NAPEPLD: variants seen among roughly 807,000 people sequenced by gnomAD.
NAPEPLD encodes the protein N-acyl-phosphatidylethanolamine-hydrolyzing phospholipase D.
Under a neutral mutation model 38.1 loss-of-function variants are expected in NAPEPLD, and 23 were observed. The observed-to-expected ratio is 0.60, with a 90% CI of 0.43 to 0.86. The LOEUF (loss-of-function observed/expected upper bound fraction) is 0.86, where lower values mean the gene tolerates loss of function less well. Ranked by LOEUF, NAPEPLD falls within the 40% of genes least tolerant of loss-of-function variation. NAPEPLD has a pLI of 0.00. For missense variants in NAPEPLD, 411 were observed against 476.8 expected (o/e 0.86, Z 1.28); for synonymous variants, 147 against 162.0 (o/e 0.91, Z 0.71).
At position 103,099,845 on chromosome 7, in the gene NAPEPLD, A is replaced by C. The variant is rs1259267346; in HGVS notation, c.*3584T>G. On this transcript the variant is annotated 3_prime_UTR_variant, in exon 5 of 5. Coordinates refer to ENST00000465647, the MANE Select transcript of NAPEPLD (RefSeq NM_001122838.3). ...TACTTGACTAAAAATACAATGTATG[A>C]AAATTTATCTTTAATAGCATTTTCC... The C allele has an allele frequency of 6.6e-6, 1 of 152,104 alleles. No homozygotes were observed. Among genetic ancestry groups the C allele is most frequent in the Non-Finnish European group, 1.5e-5 (1 of 67,998 alleles). 9.4% of individuals were successfully genotyped at this position (152,104 alleles called of 1,614,324 possible).
rs1218474441 is a variant in NAPEPLD, at chr7:103,115,180, G to C, written c.942-6C>G. 6.3e-7 allele frequency: 1 copy of C among 1,596,786 alleles called. No individual in the cohort carries two copies. The highest frequency in any genetic ancestry group is 8.6e-7 in the Non-Finnish European group (1 of 1,167,976). ...GCTGGTATTTCATAAACCACCTGAAGAAACATGGCAATTTCTTAATTCTGA... is the reference window on the plus strand; with the variant it reads ...GCTGGTATTTCATAAACCACCTGAACAAACATGGCAATTTCTTAATTCTGA... On this transcript the variant is annotated splice_region_variant and splice_polypyrimidine_tract_variant and intron_variant, in intron 3 of 4. Coordinates refer to ENST00000465647, the MANE Select transcript of NAPEPLD (RefSeq NM_001122838.3).
chr7:103,135,952 T>C (rs1378703761), intron 1 of NAPEPLD, among the ~76,000 whole-genome samples: 1 of 152,084 alleles, frequency 6.6e-6, no homozygotes, highest in Admixed American at 6.6e-5. Context: ...TGTTAGTCAT[T>C]TAAGGAGACC....
In NAPEPLD at chr7:103,117,291, G is replaced by C. The variant is rs564990915; in HGVS notation, c.942-2117C>G. Among the ~76,000 whole-genome samples, 11 of 152,328 alleles carry C rather than the reference G, an allele frequency of 7.2e-5. No homozygotes were observed. In the South Asian group the frequency reaches 1.9e-3, roughly 26 times the overall value. On this transcript the variant is annotated intron_variant, in intron 3 of 4. Coordinates refer to ENST00000465647, the MANE Select transcript of NAPEPLD (RefSeq NM_001122838.3). ...CTGTGTTCTCCTCAACAGCAAATGA[G>C]AGCAGCACTGTTCTGCCATATCTCC...
chr7:103,106,720 G>A (rs1339244009), intron 4 of NAPEPLD, among the ~76,000 whole-genome samples: 2 of 47,356 alleles, frequency 4.2e-5, no homozygotes, highest in African/African-American at 7.0e-5. Context: ...CTCTGGGCAG[G>A]GCATCTCTAA....
intron 1 of NAPEPLD, among the ~76,000 whole-genome samples, chr7:103,133,057 A>G (rs1381826058): frequency 6.6e-6 from 1 of 152,176 alleles, no homozygotes; most frequent in Admixed American, 6.5e-5. Context: ...AAACAAAAAA[A>G]TCTGATACAA....
rs1802707100 is a variant in NAPEPLD at position 103,103,542 on chromosome 7, G to T, written c.1069C>A (p.Pro357Thr). 3.8e-6 allele frequency: 6 copies of T among 1,580,490 alleles called. No homozygotes were observed. The highest frequency in any genetic ancestry group is 5.1e-6 in the Non-Finnish European group (6 of 1,171,094). Residue 357 changes from proline (P) to threonine (T), a missense_variant, in exon 5 of 5, where the codon CCT becomes ACT. Transcript: ENST00000465647. Reference protein sequence around the residue: ...FALANEHYLEPPVKLNEALER... With the variant: ...FALANEHYLETPVKLNEALER... ...AGAGCTTCATTCAGCTTCACTGGAG[G>T]CTCTAAGTAATGCTGGCCAAAGAGA...
intron 1 of NAPEPLD, chr7:103,141,581 T>C (rs1811371351): frequency 2.0e-6 from 2 of 1,024,386 alleles, no homozygotes; most frequent in Non-Finnish European, 1.6e-6. Flanking sequence ...CAGGCTGTGA[T>C]ACATGCGGCG....
intron 3 of NAPEPLD, among the ~76,000 whole-genome samples, chr7:103,119,063 T>C (rs569760991): frequency 1.4e-4 from 21 of 152,348 alleles, no homozygotes; most frequent in African/African-American, 4.3e-4. Flanking sequence ...AAGGTGGTTA[T>C]ATAAAGAAAG....
chr7:103,145,074 C>T (rs948660109), intron 1 of NAPEPLD, among the ~76,000 whole-genome samples: 2 of 152,108 alleles, frequency 1.3e-5, no homozygotes, highest in African/African-American at 4.8e-5. Flanking sequence ...GAGGGTTGAT[C>T]ATTCTATGTC....
intron 1 of NAPEPLD, among the ~76,000 whole-genome samples, chr7:103,147,027 C>T (rs1273362250): frequency 1.3e-5 from 2 of 152,202 alleles, no homozygotes; most frequent in African/African-American, 4.8e-5. Flanking sequence ...AGAAGACTAT[C>T]TCTAACATAA....
intron 1 of NAPEPLD, chr7:103,141,237 GTTGTTTTTTTTTTTTTTT>G (rs1453441945): frequency 1.3e-5 from 1 of 76,228 alleles, no homozygotes; most frequent in African/African-American, 4.2e-5. Context: ...TACCTGTGGA[GTTGTTTTTTTTTTTTTTT>G]TTTTTTTTTT....
At position 103,149,030 on chromosome 7, in the gene NAPEPLD, G is replaced by T; in HGVS notation, c.-236C>A. The T allele has an allele frequency of 1.0e-6, 1 of 985,426 alleles. No homozygotes were observed. Among genetic ancestry groups the T allele is most frequent in the African/African-American group, 1.7e-5 (1 of 57,356 alleles). The allele number at this position is 985,426 out of a possible 1,614,324, so 61.0% of individuals were successfully genotyped here. ...TCTCCGAGATGAGGGAGGGCTCGGG[G>T]ACGGGAAACCCACTCTCAGCCCGCT... On this transcript the variant is annotated 5_prime_UTR_variant, in exon 1 of 5. Transcript: ENST00000465647.
chr7:103,107,020 G>A (rs1208698514), intron 4 of NAPEPLD, among the ~76,000 whole-genome samples: 1 of 152,094 alleles, frequency 6.6e-6, no homozygotes, highest in Non-Finnish European at 1.5e-5. Context: ...GGCATCTGAC[G>A]GGTGCCCTTC....
At chr7:103,103,917 A>G (rs956548214) in intron 4 of NAPEPLD, among the ~76,000 whole-genome samples, 4 of 152,206 alleles carry the variant, frequency 2.6e-5, no homozygotes, top group African/African-American at 9.6e-5. Flanking sequence ...TGTTACTAAC[A>G]TTTTTGAAAA....
intron 1 of NAPEPLD, among the ~76,000 whole-genome samples, 152 bp downstream of exon 1, chr7:103,148,655 ATAGT>A (rs1813103854): frequency 6.6e-6 from 1 of 150,912 alleles, no homozygotes; most frequent in South Asian, 2.1e-4. Context: ...TTTCCATTCC[ATAGT>A]TAAATAAGTA....
chr7:103,143,100 C>T (rs555302965), intron 1 of NAPEPLD, among the ~76,000 whole-genome samples: 9 of 151,888 alleles, frequency 5.9e-5, no homozygotes, highest in South Asian at 2.1e-4. Context: ...AACACACACA[C>T]GCAAAAATTA....
intron 1 of NAPEPLD, chr7:103,141,790 G>A (rs947494256): frequency 1.9e-5 from 17 of 873,826 alleles, no homozygotes; most frequent in Non-Finnish European, 3.4e-5. Context: ...GCTTGCGGAT[G>A]ATCAGCCCAT....
chr7:103,115,551 T>G (rs989645255), intron 3 of NAPEPLD, among the ~76,000 whole-genome samples: 6 of 152,202 alleles, frequency 3.9e-5, no homozygotes, highest in Non-Finnish European at 2.9e-5. Context: ...TCACGTATAT[T>G]TTGATTTTAC....
At chr7:103,115,806 T>A (rs997589376) in intron 3 of NAPEPLD, among the ~76,000 whole-genome samples, 1 of 152,212 alleles carries the variant, frequency 6.6e-6, no homozygotes, top group Non-Finnish European at 1.5e-5. Context: ...CACTCACTTA[T>A]ACCCACTTTT....
Sources: gnomAD v4.1 joint callset for allele counts (sites outside exome capture counted in the v4.1 genomes callset) on GRCh38, gnomAD v4.1.1 for gene constraint, MANE v1.5 for transcripts, NCBI Gene and HGNC (gene_info 2026-07-23, HGNC 2026-07-21) for gene names.